Variants in HYCC1 observed in about 807,000 individuals in gnomAD.
HYCC1 encodes hyccin PI4KA lipid kinase complex subunit 1.
chr7:22,969,341 T>G, the HYCC1 span, among the ~76,000 whole-genome samples: 2 of 151,718 alleles, frequency 1.3e-5, no homozygotes, highest in African/African-American at 4.8e-5. Context: ...TGTGTGTGTA[T>G]TCCTATTAGA....
the HYCC1 span, chr7:23,014,081 CACTG>C: frequency 5.2e-5 from 24 of 464,832 alleles, no homozygotes; most frequent in South Asian, 2.0e-4. Flanking sequence ...CCCCTCCTCT[CACTG>C]ACTGACAACC....
the HYCC1 span, among the ~76,000 whole-genome samples, chr7:22,961,569 C>T: frequency 6.6e-6 from 1 of 152,020 alleles, no homozygotes; most frequent in African/African-American, 2.4e-5. Flanking sequence ...ATTTATAGAA[C>T]AGAAATAAAA....
At chr7:22,981,821 A>C in the HYCC1 span, among the ~76,000 whole-genome samples, 2 of 152,212 alleles carry the variant, frequency 1.3e-5, no homozygotes, top group Non-Finnish European at 2.9e-5. Context: ...ACATGGTGTG[A>C]GTTCATGTTA....
chr7:23,007,525 T>C, the HYCC1 span, among the ~76,000 whole-genome samples: 3 of 152,254 alleles, frequency 2.0e-5, no homozygotes, highest in South Asian at 6.2e-4. Flanking sequence ...GACCTAGACA[T>C]TTTTAGAGCC....
chr7:22,905,105 C>T, the HYCC1 span, among the ~76,000 whole-genome samples: 1 of 152,162 alleles, frequency 6.6e-6, no homozygotes, highest in African/African-American at 2.4e-5. Context: ...ACTCACTTAC[C>T]ACCAAAGGGT....
At chr7:22,999,216 A>G in the HYCC1 span, among the ~76,000 whole-genome samples, 1 of 152,246 alleles carries the variant, frequency 6.6e-6, no homozygotes, top group Non-Finnish European at 1.5e-5. Flanking sequence ...ATATAAAAAT[A>G]TCACAAACAA....
chr7:23,013,965 G>C, the HYCC1 span: 6 of 470,732 alleles, frequency 1.3e-5, no homozygotes, highest in East Asian at 2.8e-4. Context: ...ACCTCGACTC[G>C]TGAGGCTCTC....
At chr7:23,007,666 GTAATA>G in the HYCC1 span, among the ~76,000 whole-genome samples, 1 of 152,034 alleles carries the variant, frequency 6.6e-6, no homozygotes, top group Non-Finnish European at 1.5e-5. Context: ...CCTTAAAAAG[GTAATA>G]CAAAAGGAAT....
At chr7:22,992,930 T>A in the HYCC1 span, among the ~76,000 whole-genome samples, 1 of 152,160 alleles carries the variant, frequency 6.6e-6, no homozygotes, top group Non-Finnish European at 1.5e-5. Flanking sequence ...AGGGCTGTCT[T>A]GAAGAACAAC....
At chr7:23,007,119 C>A in the HYCC1 span, among the ~76,000 whole-genome samples, 5 of 152,072 alleles carry the variant, frequency 3.3e-5, no homozygotes, top group Admixed American at 3.3e-4. Context: ...AAAGATGACA[C>A]ATCAACACAG....
chr7:22,956,551 C>T, the HYCC1 span, among the ~76,000 whole-genome samples: 4 of 151,736 alleles, frequency 2.6e-5, no homozygotes, highest in African/African-American at 9.7e-5. Flanking sequence ...CAAAATAATA[C>T]CTCAGTTAAA....
At chr7:22,981,862 G>A in the HYCC1 span, among the ~76,000 whole-genome samples, 20 of 152,186 alleles carry the variant, frequency 1.3e-4, no homozygotes, top group African/African-American at 4.3e-4. Flanking sequence ...ATATTTGTCT[G>A]TGACAGATGA....
chr7:22,985,364 C>A, the HYCC1 span, among the ~76,000 whole-genome samples: 1 of 152,168 alleles, frequency 6.6e-6, no homozygotes. Flanking sequence ...GCAACCACAG[C>A]ACTCACCACA....
At chr7:22,974,004 C>T in the HYCC1 span, among the ~76,000 whole-genome samples, 1 of 152,030 alleles carries the variant, frequency 6.6e-6, no homozygotes, top group Non-Finnish European at 1.5e-5. Flanking sequence ...CAAATATATA[C>T]ATATATAGGC....
At chr7:22,898,444 T>C in the HYCC1 span, among the ~76,000 whole-genome samples, 7 of 151,586 alleles carry the variant, frequency 4.6e-5, no homozygotes, top group Admixed American at 2.6e-4. Flanking sequence ...GAACTCCTGA[T>C]CTCATGATCT....
At chr7:22,984,428 T>C in the HYCC1 span, among the ~76,000 whole-genome samples, 16 of 152,224 alleles carry the variant, frequency 1.1e-4, no homozygotes, top group Admixed American at 2.0e-4. Context: ...GGATTAGAGA[T>C]GGGAATATAG....
At chr7:23,010,954 T>C in the HYCC1 span, among the ~76,000 whole-genome samples, 18 of 152,202 alleles carry the variant, frequency 1.2e-4, no homozygotes, top group African/African-American at 3.4e-4. Context: ...GCCTGGTTTC[T>C]GAACCACCAC....
chr7:23,002,140 A>G, the HYCC1 span, among the ~76,000 whole-genome samples: 3 of 10,004 alleles, frequency 3.0e-4, no homozygotes, highest in African/African-American at 1.2e-3. Context: ...AAAATTGTAT[A>G]TATATATATA....
the HYCC1 span, among the ~76,000 whole-genome samples, chr7:22,919,152 A>G: frequency 6.6e-6 from 1 of 152,210 alleles, no homozygotes; most frequent in African/African-American, 2.4e-5. Context: ...GAGAGGGGCT[A>G]GATTTCAGAT....
Sources: gnomAD v4.1 joint callset for allele counts (sites outside exome capture counted in the v4.1 genomes callset) on GRCh38, gnomAD v4.1.1 for gene constraint, MANE v1.5 for transcripts, NCBI Gene and HGNC (gene_info 2026-07-23, HGNC 2026-07-21) for gene names.